PRKCE: variants seen among roughly 807,000 people sequenced by gnomAD.
The protein encoded by PRKCE is protein kinase C epsilon, also known as protein kinase C epsilon type.
PRKCE carries 16 observed loss-of-function variants against 85.4 expected under a neutral mutation model. The ratio of observed to expected loss-of-function variants is 0.19; its 90% confidence interval spans 0.13 to 0.28. The LOEUF is 0.28. Ranked by LOEUF, PRKCE falls within the 10% of genes least tolerant of loss-of-function variation. The probability of loss-of-function intolerance (pLI) is 1.00; values close to 1 mark genes in which losing one functional copy is unlikely to be tolerated. For synonymous variants in PRKCE, 388 were observed against 371.5 expected (o/e 1.04, Z -0.51); for missense variants, 573 against 975.2 (o/e 0.59, Z 5.49).
intron 1 of PRKCE, among the ~76,000 whole-genome samples, chr2:45,771,840 C>T (rs866334324): frequency 2.0e-5 from 3 of 151,970 alleles, no homozygotes; most frequent in African/African-American, 4.8e-5. Flanking sequence ...CCCTGGGGTC[C>T]CAAGTCTTCC....
intron 2 of PRKCE, among the ~76,000 whole-genome samples, chr2:45,974,473 C>T (rs1166695874): frequency 1.3e-5 from 2 of 152,204 alleles, no homozygotes; most frequent in Non-Finnish European, 2.9e-5. Flanking sequence ...CAGACCTCCA[C>T]CCGGGTCATC....
At chr2:46,181,627 C>G (rs983780550) in intron 14 of PRKCE, among the ~76,000 whole-genome samples, 2 of 152,206 alleles carry the variant, frequency 1.3e-5, no homozygotes, top group Admixed American at 6.5e-5. Context: ...TAGGATCTAG[C>G]TTTACCACTA....
At chr2:45,872,678 G>A (rs995959298) in intron 2 of PRKCE, among the ~76,000 whole-genome samples, 9 of 152,210 alleles carry the variant, frequency 5.9e-5, no homozygotes, top group Non-Finnish European at 1.3e-4. Flanking sequence ...GTGGATTGGA[G>A]ATAGAGAAGT....
In PRKCE at chr2:46,184,226, G is replaced by A. The variant is rs565309034; in HGVS notation, c.2068-509G>A. On this transcript the variant is annotated intron_variant, in intron 14 of 14. Transcript: ENST00000306156. The surrounding 1 kb of genome is among the most constrained non-coding windows in gnomAD (Gnocchi z 5.0). ...AATACTGGAGCACAAAATTGGGTTC[G>A]TGGTGAGAGTAAGTGGAAATCGAGG... Among the ~76,000 whole-genome samples the A allele has an allele frequency of 7.9e-5, 12 of 152,144 alleles. No individual in the cohort carries two copies. Among genetic ancestry groups the A allele is most frequent in the Non-Finnish European group, 1.0e-4 (7 of 68,030 alleles).
At chr2:45,794,852 C>T (rs1301499739) in intron 1 of PRKCE, among the ~76,000 whole-genome samples, 1 of 151,366 alleles carries the variant, frequency 6.6e-6, no homozygotes, top group Admixed American at 6.6e-5. Flanking sequence ...CCTACCCCCC[C>T]CCCCATCCAC....
intron 3 of PRKCE, 80 bp downstream of exon 3, chr2:45,976,668 C>A: frequency 6.8e-7 from 1 of 1,478,072 alleles, no homozygotes; most frequent in South Asian, 1.2e-5. Context: ...AGACTATGCA[C>A]CTCATTTAAA....
chr2:46,172,239 C>A (rs533402762), intron 14 of PRKCE, among the ~76,000 whole-genome samples: 1 of 152,326 alleles, frequency 6.6e-6, no homozygotes, highest in African/African-American at 2.4e-5. Flanking sequence ...TCTTTCCCCC[C>A]AGGCACTGCC....
intron 2 of PRKCE, among the ~76,000 whole-genome samples, chr2:45,897,076 T>C (rs1696205111): frequency 6.6e-6 from 1 of 152,132 alleles, no homozygotes; most frequent in East Asian, 1.9e-4. Flanking sequence ...AGATCTTATC[T>C]CTTAAAAAAA....
intron 1 of PRKCE, among the ~76,000 whole-genome samples, chr2:45,721,727 A>T (rs1342814539): frequency 6.6e-6 from 1 of 152,148 alleles, no homozygotes; most frequent in Non-Finnish European, 1.5e-5. Flanking sequence ...AAATTAAAAA[A>T]TTAGCCAGGC....
At chr2:46,088,431 C>G (rs1036581498) in intron 11 of PRKCE, among the ~76,000 whole-genome samples, 2 of 152,154 alleles carry the variant, frequency 1.3e-5, no homozygotes, top group Non-Finnish European at 2.9e-5. Flanking sequence ...GTGAAGAAAT[C>G]GCAATTTGAG....
intron 2 of PRKCE, among the ~76,000 whole-genome samples, chr2:45,884,176 C>T (rs988920799): frequency 6.6e-6 from 1 of 152,192 alleles, no homozygotes; most frequent in African/African-American, 2.4e-5. Context: ...TCTGGAGAGG[C>T]CTGGCATCTC....
chr2:46,003,378 C>G (rs1704872616), intron 7 of PRKCE, among the ~76,000 whole-genome samples: 1 of 152,206 alleles, frequency 6.6e-6, no homozygotes, highest in Non-Finnish European at 1.5e-5. Flanking sequence ...AATGGAGACT[C>G]AAAGTGGATA....
chr2:46,116,711 C>T (rs1181138608), intron 11 of PRKCE, among the ~76,000 whole-genome samples: 7 of 151,428 alleles, frequency 4.6e-5, no homozygotes, highest in Admixed American at 2.0e-4. Flanking sequence ...TCAGTCATCA[C>T]ACATGGTGCT....
At chr2:45,822,839 T>G (rs1367237285) in intron 1 of PRKCE, among the ~76,000 whole-genome samples, 1 of 152,226 alleles carries the variant, frequency 6.6e-6, no homozygotes, top group African/African-American at 2.4e-5. Flanking sequence ...TAACTTTTTA[T>G]TTCAGTAATG....
chr2:45,669,384 T>C (rs550852158), intron 1 of PRKCE, among the ~76,000 whole-genome samples: 1 of 152,300 alleles, frequency 6.6e-6, no homozygotes, highest in East Asian at 1.9e-4. Context: ...ATCAGGAATG[T>C]GTTTTAGAAC....
At chr2:45,964,367 T>C (rs913749530) in intron 2 of PRKCE, among the ~76,000 whole-genome samples, 5 of 152,186 alleles carry the variant, frequency 3.3e-5, no homozygotes, top group African/African-American at 1.2e-4. Flanking sequence ...ATGCAGCAAT[T>C]GCTCAGTTTC....
intron 11 of PRKCE, among the ~76,000 whole-genome samples, chr2:46,100,060 T>G (rs1671061459): frequency 6.6e-6 from 1 of 152,194 alleles, no homozygotes; most frequent in African/African-American, 2.4e-5. Flanking sequence ...CAAAATATGG[T>G]GGCCAGACTG....
chr2:45,871,389 A>C (rs1426506921), intron 2 of PRKCE, among the ~76,000 whole-genome samples: 2 of 152,206 alleles, frequency 1.3e-5, no homozygotes, highest in Non-Finnish European at 2.9e-5. Context: ...CCTGTTGCGG[A>C]TTATGTGCTC....
chr2:45,903,456 G>A (rs994573995), intron 2 of PRKCE, among the ~76,000 whole-genome samples: 13 of 152,188 alleles, frequency 8.5e-5, no homozygotes, highest in African/African-American at 2.7e-4. Context: ...GGGGCTGTGA[G>A]GGAAGATGAG....
Sources: allele counts gnomAD v4.1 joint callset (sites outside exome capture counted in the v4.1 genomes callset), GRCh38; gene constraint gnomAD v4.1.1; non-coding constraint Gnocchi (gnomAD v3.1); transcripts MANE v1.5; gene names NCBI Gene and HGNC (gene_info 2026-07-23, HGNC 2026-07-21).